The following PKD1L1 variants were observed in gnomAD, a reference collection of about 807,000 sequenced individuals.
PKD1L1 encodes polycystin-1-like protein 1.
PKD1L1 carries 236 observed loss-of-function variants against 323.4 expected under a neutral mutation model. The observed-to-expected ratio is 0.73, with a 90% CI of 0.66 to 0.81. The LOEUF is 0.81. PKD1L1 is among the 40% of genes least tolerant of loss of function. The pLI is 0.00. For synonymous variants in PKD1L1, 1,344 were observed against 1,335.0 expected (o/e 1.01, Z -0.15); for missense variants, 3,320 against 3,508.0 (o/e 0.95, Z 1.35).
At chr7:47,908,013 C>T (rs559767401) in intron 9 of PKD1L1, 64 bp downstream of exon 9, 8 of 1,505,070 alleles carry the variant, frequency 5.3e-6, no homozygotes, top group East Asian at 4.6e-5. Context: ...ATAAGTAAAG[C>T]GGAGATACCC....
upstream of PKD1L1, among the ~76,000 whole-genome samples, chr7:47,953,146 A>G (rs1169562704): frequency 6.6e-6 from 1 of 152,204 alleles, no homozygotes; most frequent in Admixed American, 6.5e-5. Context: ...TTTCTGTCTC[A>G]AAAGTACATT....
At chr7:47,824,619 G>A (rs1351840595) in intron 45 of PKD1L1, among the ~76,000 whole-genome samples, 2 of 151,846 alleles carry the variant, frequency 1.3e-5, no homozygotes, top group East Asian at 3.9e-4. Flanking sequence ...TTTCCTAAAG[G>A]TGCCTGGATT....
intron 53 of PKD1L1, among the ~76,000 whole-genome samples, chr7:47,801,739 A>G (rs933457393): frequency 6.6e-6 from 1 of 152,250 alleles, no homozygotes; most frequent in African/African-American, 2.4e-5. Flanking sequence ...CTCAGAAGAA[A>G]GAAAGCACAA....
chr7:47,883,535 C>T (rs556485758), intron 19 of PKD1L1, among the ~76,000 whole-genome samples: 5 of 152,326 alleles, frequency 3.3e-5, no homozygotes, highest in South Asian at 2.1e-4. Flanking sequence ...CTGCAGCTTC[C>T]CCATGTGGCC....
intron 33 of PKD1L1, among the ~76,000 whole-genome samples, chr7:47,843,653 G>T (rs527267859): frequency 5.9e-5 from 9 of 152,154 alleles, no homozygotes; most frequent in Non-Finnish European, 1.2e-4. Flanking sequence ...TGTGGATGGT[G>T]CTGCTTGTTC....
intron 56 of PKD1L1, among the ~76,000 whole-genome samples, chr7:47,778,760 C>T (rs989896183): frequency 6.6e-6 from 1 of 152,122 alleles, no homozygotes; most frequent in Non-Finnish European, 1.5e-5. Context: ...TCAGGACTGG[C>T]CTTTAGCACA....
upstream of PKD1L1, among the ~76,000 whole-genome samples, chr7:47,950,104 T>G (rs1055044782): frequency 6.6e-6 from 1 of 152,220 alleles, no homozygotes; most frequent in Non-Finnish European, 1.5e-5. Flanking sequence ...AACTGCAAAC[T>G]GCAGTTTGTA....
At chr7:47,811,669 G>C (rs1256735282) in intron 50 of PKD1L1, 148 bp downstream of exon 50, 1 of 663,166 alleles carries the variant, frequency 1.5e-6, no homozygotes, top group African/African-American at 1.8e-5. Flanking sequence ...TGTGATGCTT[G>C]CTGCAAGAAG....
chr7:47,850,623 ACT>A (rs1250983764), intron 31 of PKD1L1, among the ~76,000 whole-genome samples: 1 of 110,656 alleles, frequency 9.0e-6, no homozygotes, highest in Non-Finnish European at 1.7e-5. Context: ...CAAGAGCAAG[ACT>A]CTGTCTCAAA....
At position 47,904,598 on chromosome 7, in the gene PKD1L1, C is replaced by A. The variant is rs777321125; in HGVS notation, c.1711G>T (p.Ala571Ser). 5 of 1,613,064 alleles carry A rather than the reference C, an allele frequency of 3.1e-6. No individual in the cohort carries two copies. Among genetic ancestry groups the A allele is most frequent in the African/African-American group, 2.7e-5 (2 of 74,844 alleles). The change falls in exon 12 of 57, where the codon GCT becomes TCT. Residue 571 changes from alanine to serine, a missense_variant. By Grantham distance (99) the Ala-to-Ser change is moderately conservative. Coordinates refer to ENST00000289672, the MANE Select transcript of PKD1L1 (RefSeq NM_138295.5). ...ACCACACTGCTCATCCTGTTGGAAGCCTTAACCATCACACGATACCTGCAG... is the reference window on the plus strand; with the variant it reads ...ACCACACTGCTCATCCTGTTGGAAGACTTAACCATCACACGATACCTGCAG... ...IPQWYRVMVK[A>S]SNRMSSVVSE...
At chr7:47,797,453 T>C (rs1312754924) in intron 54 of PKD1L1, among the ~76,000 whole-genome samples, 4 of 152,250 alleles carry the variant, frequency 2.6e-5, no homozygotes. Flanking sequence ...TCTGCAAAGA[T>C]GCTCAGGAGC....
upstream of PKD1L1, among the ~76,000 whole-genome samples, chr7:47,951,769 A>T (rs1023329953): frequency 6.6e-6 from 1 of 152,252 alleles, no homozygotes; most frequent in African/African-American, 2.4e-5. Context: ...GCAAGTGTAT[A>T]CATAAAATAT....
At chr7:47,931,382 A>T in intron 5 of PKD1L1, 61 bp from the exon 6 acceptor site, 2 of 1,556,378 alleles carry the variant, frequency 1.3e-6, no homozygotes, top group Non-Finnish European at 8.8e-7. Flanking sequence ...TCAGTAGCTG[A>T]TGTCCGCCAT....
At chr7:47,809,607 C>G (rs1427562487) in intron 50 of PKD1L1, 30 bp from the exon 51 acceptor site, 1 of 1,480,276 alleles carries the variant, frequency 6.8e-7, no homozygotes, top group East Asian at 2.4e-5. Flanking sequence ...CAAACAAGAT[C>G]AATAGGAATG....
intron 40 of PKD1L1, among the ~76,000 whole-genome samples, chr7:47,833,509 G>A (rs1315505995): frequency 6.6e-6 from 1 of 152,160 alleles, no homozygotes; most frequent in African/African-American, 2.4e-5. Flanking sequence ...CAGTCAGGGT[G>A]ATTGCACCTG....
At chr7:47,906,378 T>C (rs1787207235) in intron 9 of PKD1L1, among the ~76,000 whole-genome samples, 1 of 152,190 alleles carries the variant, frequency 6.6e-6, no homozygotes, top group African/African-American at 2.4e-5. Flanking sequence ...ATTGTGCATA[T>C]ATGTATATAT....
rs557429774 is a variant in PKD1L1, at chr7:47,880,442, C to T, written c.3520+286G>A. Among the ~76,000 whole-genome samples, 154 of 150,492 alleles carry T rather than the reference C, an allele frequency of 1.0e-3. 2 individuals are homozygous for T. Among genetic ancestry groups the T allele is most frequent in the African/African-American group, 3.5e-3 (144 of 40,738 alleles). On this transcript the variant is annotated intron_variant, in intron 21 of 56. Transcript: ENST00000289672. Reference sequence around the variant, plus strand: ...GATTACAGGCACCCGCCACCATGCCCGGCAAATTTTTTGTATTTTTTAGTA... The same window carrying T: ...GATTACAGGCACCCGCCACCATGCCTGGCAAATTTTTTGTATTTTTTAGTA...
chr7:47,933,159 C>T (rs1787804421), intron 4 of PKD1L1, among the ~76,000 whole-genome samples: 1 of 152,214 alleles, frequency 6.6e-6, no homozygotes, highest in African/African-American at 2.4e-5. Context: ...AGTCGTGTCT[C>T]ACTCCACTTG....
chr7:47,834,803 A>G (rs567242040), intron 39 of PKD1L1, among the ~76,000 whole-genome samples, 164 bp downstream of exon 39: 2 of 152,380 alleles, frequency 1.3e-5, no homozygotes, highest in East Asian at 1.9e-4. Flanking sequence ...AAATGGACAG[A>G]TGACAGAAAA....
Sources: gnomAD v4.1 joint callset for allele counts (sites outside exome capture counted in the v4.1 genomes callset) on GRCh38, gnomAD v4.1.1 for gene constraint, MANE v1.5 for transcripts, NCBI Gene and HGNC (gene_info 2026-07-23, HGNC 2026-07-21) for gene names.